Variants in FNBP4 observed in about 807,000 individuals in gnomAD.
FNBP4 encodes formin-binding protein 4.
A neutral mutation model predicts 119.3 loss-of-function variants in FNBP4; 34 were observed. The ratio of observed to expected loss-of-function variants is 0.28; its 90% confidence interval spans 0.22 to 0.38. The LOEUF is 0.38. Among genes scored for constraint, FNBP4 ranks in the 10% least tolerant of loss-of-function variants. The pLI, the probability that FNBP4 is intolerant of heterozygous loss-of-function variation, is 1.00. For missense variants in FNBP4, 1,112 were observed against 1,228.9 expected, an observed-to-expected ratio of 0.90 and a Z score of 1.42; for synonymous variants, 462 against 430.6, an observed-to-expected ratio of 1.07 and a Z score of -0.90.
chr11:47,763,234 C>T (rs561659437), intron 2 of FNBP4, among the ~76,000 whole-genome samples: 4 of 152,044 alleles, frequency 2.6e-5, no homozygotes, highest in East Asian at 2.0e-4. Flanking sequence ...GAGTCCAAGG[C>T]GGGTGGATCA....
intron 6 of FNBP4, among the ~76,000 whole-genome samples, chr11:47,747,274 G>A (rs2097592403): frequency 1.3e-5 from 2 of 152,004 alleles, no homozygotes; most frequent in South Asian, 2.1e-4. Context: ...GTGTGATGTC[G>A]GCTCACTGCA....
intron 2 of FNBP4, among the ~76,000 whole-genome samples, chr11:47,759,139 C>T (rs769116987): frequency 6.6e-6 from 1 of 151,658 alleles, no homozygotes; most frequent in South Asian, 2.1e-4. Flanking sequence ...ACGCTGGTCT[C>T]GAACTCCTGA....
intron 4 of FNBP4, chr11:47,752,665 T>G: frequency 3.0e-6 from 1 of 331,614 alleles, no homozygotes; most frequent in South Asian, 5.2e-5. Context: ...AAAAGAGAAA[T>G]TAGCCAGGCA....
chr11:47,754,699 C>A lies in FNBP4; in HGVS notation c.314-35G>T, dbSNP rs974032587. 1.3e-5 allele frequency: 21 copies of A among 1,606,620 alleles called. No homozygotes were observed. In the African/African-American group the frequency reaches 2.8e-4, roughly 22 times the overall value. On this transcript the variant is annotated intron_variant, in intron 2 of 16. Coordinates refer to ENST00000263773, the MANE Select transcript of FNBP4 (RefSeq NM_015308.5). Reference sequence around the variant, plus strand: ...AAAAGGTAAACAGTATTTGTAACAACAATGTCAATATGTCCTAAGAAGCAT... The same window carrying A: ...AAAAGGTAAACAGTATTTGTAACAAAAATGTCAATATGTCCTAAGAAGCAT...
At chr11:47,749,734 T>C (rs2097598115) in intron 6 of FNBP4, among the ~76,000 whole-genome samples, 1 of 152,148 alleles carries the variant, frequency 6.6e-6, no homozygotes, top group South Asian at 2.1e-4. Context: ...ATCCAAAATC[T>C]GAAACCGTTT....
At chr11:47,754,792 T>G in intron 2 of FNBP4, 128 bp from the exon 3 acceptor site, 1 of 933,392 alleles carries the variant, frequency 1.1e-6, no homozygotes, top group Non-Finnish European at 1.6e-6. Flanking sequence ...GCAAAACTAA[T>G]AATCACTGAA....
rs749385555 is a variant in FNBP4, at chr11:47,731,483, T to C, written c.1899A>G (p.Glu633=). The C allele has an allele frequency of 9.9e-6, 16 of 1,613,942 alleles. No homozygotes were observed. The highest frequency in any genetic ancestry group is 3.3e-5 in the Admixed American group (2 of 59,962). Residue 633 remains glutamate (E), a synonymous_variant, in exon 12 of 17, where the codon GAA becomes GAG. Transcript: ENST00000263773. The part of the protein sequence containing the change: ...QWEFPDGEEE[E]EESQAQENRD... Reference sequence around the variant, plus strand: ...TATTTTCTTGTGCTTGGCTTTCTTCTTCTTCCTCTTCACCATCTGGAAACT... The same window carrying C: ...TATTTTCTTGTGCTTGGCTTTCTTCCTCTTCCTCTTCACCATCTGGAAACT...
rs966120994 is a variant in FNBP4 at position 47,767,127 on chromosome 11, C to T, written c.162G>A (p.Ala54=). The change falls in exon 1 of 17, where the codon GCG becomes GCA. Residue 54 remains alanine, a synonymous_variant. Coordinates refer to ENST00000263773, the MANE Select transcript of FNBP4 (RefSeq NM_015308.5). ...CAGTCACCGCGGTGGTGGTGGTCGT[C>T]GCCGCCGACGGGGCGGGCTGGCTGG... is the stretch of plus-strand genomic sequence containing the variant. ...AVPSQPAPSA[A]TTTTTAVTAA... The T allele has an allele frequency of 3.1e-5, 47 of 1,540,236 alleles. No homozygotes were observed. The Admixed American group carries it at 5.6e-4, about 18-fold the overall frequency.
chr11:47,764,564 A>T (rs544829904), intron 2 of FNBP4, among the ~76,000 whole-genome samples: 1 of 151,614 alleles, frequency 6.6e-6, no homozygotes, highest in South Asian at 2.1e-4. Flanking sequence ...AGGAGAGAGG[A>T]ATAAGCATCT....
At chr11:47,749,408 A>G (rs2097597301) in intron 6 of FNBP4, among the ~76,000 whole-genome samples, 1 of 152,102 alleles carries the variant, frequency 6.6e-6, no homozygotes, top group African/African-American at 2.4e-5. Context: ...CTAAAAAAAA[A>G]TAGAAAAATT....
Position 47,754,534 on chromosome 11 carries a change from G to T in FNBP4, c.444C>A (p.Phe148Leu), listed in dbSNP as rs2097612030. The T allele has an allele frequency of 6.2e-7, 1 of 1,613,238 alleles. No homozygotes were observed. The highest frequency in any genetic ancestry group is 2.2e-5 in the East Asian group (1 of 44,856). The change falls in exon 3 of 17, where the codon TTC (phenylalanine) becomes TTA (leucine). Residue 148 changes from phenylalanine (F) to leucine (L), a missense_variant. By Grantham distance (22) the Phe-to-Leu change is conservative. Around this residue, in one of 2 missense-constraint regions of FNBP4, gnomAD observed 286 missense variants for 240.1 expected, o/e 1.19. Coordinates refer to ENST00000263773, the MANE Select transcript of FNBP4 (RefSeq NM_015308.5). ...STDIDSTLANFLAEIDAITAP... is the reference protein window; with the variant it reads ...STDIDSTLANLLAEIDAITAP... ...AAACGAAAGCACCACTAACCGCTAG[G>T]AAGTTGGCCAATGTACTATCAATAT...
Position 47,743,864 on chromosome 11 carries a change from G to C in FNBP4, c.1456+89C>G, listed in dbSNP as rs1019666482. Reference sequence around the variant, plus strand: ...CCAAAGAGTAAAAGTACAATCTCCTGTTTTGTTGAAGAGGAAACAAAAAAA... The same window carrying C: ...CCAAAGAGTAAAAGTACAATCTCCTCTTTTGTTGAAGAGGAAACAAAAAAA... On this transcript the variant is annotated intron_variant, in intron 8 of 16. Transcript: ENST00000263773. 8 of 1,179,602 alleles carry C rather than the reference G, an allele frequency of 6.8e-6. No individual in the cohort carries two copies. In the African/African-American group the frequency reaches 1.2e-4, roughly 18 times the overall value. 73.1% of individuals were successfully genotyped at this position (1,179,602 alleles called of 1,614,324 possible).
intron 4 of FNBP4, 180 bp downstream of exon 4, chr11:47,752,736 C>G (rs1368094252): frequency 3.7e-6 from 2 of 540,548 alleles, no homozygotes; most frequent in South Asian, 5.0e-5. Flanking sequence ...ACTGTCTGAA[C>G]CCAGGAGGTG....
intron 8 of FNBP4, among the ~76,000 whole-genome samples, chr11:47,741,756 C>CA (rs148294277): frequency 0.02 from 2,993 of 151,944 alleles, 37 homozygotes; most frequent in African/African-American, 0.029. Context: ...GTGGAGGTTG[C>CA]AGTGAGCTAA....
chr11:47,753,612 A>AAAAAAAC (rs571663364), intron 3 of FNBP4, among the ~76,000 whole-genome samples: 353 of 152,144 alleles, frequency 2.3e-3, no homozygotes, highest in Middle Eastern at 0.014. Flanking sequence ...CTCTGTCTCA[A>AAAAAAAC]AAAAAACAAA....
intron 2 of FNBP4, among the ~76,000 whole-genome samples, chr11:47,757,280 G>C (rs998280240): frequency 6.6e-6 from 1 of 152,118 alleles, no homozygotes; most frequent in African/African-American, 2.4e-5. Flanking sequence ...GAGTGCAGTG[G>C]CTCCGCTCAC....
intron 6 of FNBP4, among the ~76,000 whole-genome samples, chr11:47,750,688 C>CCAAAAAAAAAAA (rs2097600782): frequency 1.5e-5 from 1 of 68,064 alleles, no homozygotes; most frequent in Non-Finnish European, 2.5e-5. Flanking sequence ...GACTCTGTCT[C>CCAAAAAAAAAAA]AAAAAAAAAA....
intron 1 of FNBP4, among the ~76,000 whole-genome samples, chr11:47,766,689 T>C (rs1461207721): frequency 6.6e-6 from 1 of 152,260 alleles, no homozygotes; most frequent in African/African-American, 2.4e-5. Context: ...AGGAGGCAGA[T>C]GACGTGTGGA....
In FNBP4 at chr11:47,752,954, G is replaced by T. The variant is rs762523336; in HGVS notation, c.599C>A (p.Ser200Tyr). 20 of 1,613,736 alleles carry T rather than the reference G, an allele frequency of 1.2e-5. No homozygotes were observed. Among genetic ancestry groups the T allele is most frequent in the Non-Finnish European group, 1.7e-5 (20 of 1,179,860 alleles). ...TSNGTDSTQT[S>Y]GWQYDTQCSL... ...ACACTGAGTATCATATTGCCAACCAGATGTTTGGGTGGAGTCTGTTCCATT... is the reference window on the plus strand; with the variant it reads ...ACACTGAGTATCATATTGCCAACCATATGTTTGGGTGGAGTCTGTTCCATT... Residue 200 changes from serine to tyrosine, a missense_variant, in exon 4 of 17, where the codon TCT (serine) becomes TAT (tyrosine). This residue lies in a region of FNBP4 where 826 missense variants were observed against 988.8 expected (regional missense o/e 0.84). Coordinates refer to ENST00000263773, the MANE Select transcript of FNBP4 (RefSeq NM_015308.5).
Sources: gnomAD v4.1 joint callset for allele counts (sites outside exome capture counted in the v4.1 genomes callset) on GRCh38, gnomAD v4.1.1 for gene constraint, gnomAD v4.1.1 regional missense constraint, MANE v1.5 for transcripts, NCBI Gene and HGNC (gene_info 2026-07-23, HGNC 2026-07-21) for gene names.